RBFOX1: variants seen among roughly 807,000 people sequenced by gnomAD.
RBFOX1 encodes RNA binding fox-1 homolog 1.
In RBFOX1, 8 loss-of-function variants were observed where a neutral mutation model predicts 57.7. That is an observed-to-expected ratio of 0.14 (90% confidence interval 0.08 to 0.25). The LOEUF (loss-of-function observed/expected upper bound fraction) is 0.25, where lower values mean the gene tolerates loss of function less well. Ranked by LOEUF, RBFOX1 falls within the 10% of genes least tolerant of loss-of-function variation. The probability of loss-of-function intolerance (pLI) is 1.00; values close to 1 mark genes in which losing one functional copy is unlikely to be tolerated. For synonymous variants in RBFOX1, 326 were observed against 222.4 expected (o/e 1.47, Z -4.15); for missense variants, 611 against 548.5 (o/e 1.11, Z -1.14).
At chr16:6,509,061 T>C (rs43141) in intron 2 of RBFOX1, among the ~76,000 whole-genome samples, 65,335 of 152,022 alleles carry the variant, frequency 0.43, 15,419 homozygotes, top group East Asian at 0.57. Flanking sequence ...TTTTAAAATA[T>C]ACCACTGATC....
intron 1 of RBFOX1, among the ~76,000 whole-genome samples, chr16:6,163,540 A>T (rs546498448): frequency 6.6e-6 from 1 of 152,204 alleles, no homozygotes; most frequent in Admixed American, 6.5e-5. Context: ...CTGATTTTGG[A>T]TGTTAATTTG....
chr16:5,956,555 T>C (rs2059643052), intron 4 of RBFOX1, among the ~76,000 whole-genome samples: 1 of 150,512 alleles, frequency 6.6e-6, no homozygotes, highest in Non-Finnish European at 1.5e-5. Context: ...AAGTTAGATG[T>C]GGGGTGGAAA....
intron 4 of RBFOX1, among the ~76,000 whole-genome samples, chr16:7,119,940 C>G (rs181303173): frequency 6.6e-6 from 1 of 152,138 alleles, no homozygotes; most frequent in South Asian, 2.1e-4. Flanking sequence ...CCAAGATAAA[C>G]CATATTCTGT....
intron 3 of RBFOX1, among the ~76,000 whole-genome samples, chr16:5,693,718 C>T (rs2050764666): frequency 6.6e-6 from 1 of 152,150 alleles, no homozygotes; most frequent in Non-Finnish European, 1.5e-5. Context: ...ACAGTGACTT[C>T]CTCTTTCCCA....
At chr16:5,917,261 C>G (rs554829165) in intron 4 of RBFOX1, among the ~76,000 whole-genome samples, 8 of 152,110 alleles carry the variant, frequency 5.3e-5, no homozygotes, top group Non-Finnish European at 8.8e-5. Flanking sequence ...TTAAAACATG[C>G]CCATGGAAGC....
intron 2 of RBFOX1, among the ~76,000 whole-genome samples, chr16:5,494,565 T>A (rs2151679758): frequency 6.6e-6 from 1 of 152,114 alleles, no homozygotes; most frequent in South Asian, 2.1e-4. Context: ...AAGAGGGAGG[T>A]CTTGGCTGTT....
chr16:5,877,104 T>G lies in RBFOX1; in HGVS notation c.351+9769T>G, dbSNP rs1343387210. On this transcript the variant is annotated intron_variant, in intron 4 of 19. Coordinates refer to the RBFOX1 transcript ENST00000641259. Reference sequence around the variant, plus strand: ...GGCACTGTGCTCCCTCCTAACAGAATAAAAGAATTACTGATTATATCCAGG... The same window carrying G: ...GGCACTGTGCTCCCTCCTAACAGAAGAAAAGAATTACTGATTATATCCAGG... Among the ~76,000 whole-genome samples, 6 of 152,264 alleles carry G rather than the reference T, an allele frequency of 3.9e-5. No homozygotes were observed. In the East Asian group the frequency reaches 1.2e-3, roughly 29 times the overall value.
At chr16:7,032,615 A>G (rs1458078671) in intron 3 of RBFOX1, among the ~76,000 whole-genome samples, 3 of 152,054 alleles carry the variant, frequency 2.0e-5, no homozygotes, top group African/African-American at 4.8e-5. Context: ...TTGTTTTGCT[A>G]GACGAGTATT....
At chr16:5,837,324 C>A (rs1454921835) in intron 3 of RBFOX1, among the ~76,000 whole-genome samples, 1 of 151,992 alleles carries the variant, frequency 6.6e-6, no homozygotes, top group Admixed American at 6.6e-5. Flanking sequence ...CCCCAAGGGT[C>A]CTAGAATAAC....
rs751205442 is a variant in RBFOX1, at chr16:7,713,175, G to A, written c.*2430G>A. On this transcript the variant is annotated 3_prime_UTR_variant, in exon 16 of 16. Transcript: ENST00000550418. ...ATGAATTATGGAAAATTAATATTAT[G>A]TGTGGCATATAGTGACTTCTTAACA... 5 of 152,150 alleles carry A rather than the reference G, an allele frequency of 3.3e-5. No homozygotes were observed. The highest frequency in any genetic ancestry group is 7.2e-5 in the African/African-American group (3 of 41,418). 9.4% of individuals were successfully genotyped at this position (152,150 alleles called of 1,614,324 possible).
chr16:7,103,676 A>T (rs2063089007), intron 4 of RBFOX1, among the ~76,000 whole-genome samples: 1 of 152,210 alleles, frequency 6.6e-6, no homozygotes, highest in Non-Finnish European at 1.5e-5. Flanking sequence ...ACATAATAAA[A>T]ATGACTTAAA....
intron 4 of RBFOX1, among the ~76,000 whole-genome samples, chr16:7,331,160 A>G (rs1284750902): frequency 2.6e-5 from 4 of 152,208 alleles, no homozygotes; most frequent in Non-Finnish European, 5.9e-5. Flanking sequence ...AAATCAAGCA[A>G]CTAAAATTAG....
At chr16:5,957,023 C>T (rs950064558) in intron 4 of RBFOX1, among the ~76,000 whole-genome samples, 3 of 151,876 alleles carry the variant, frequency 2.0e-5, no homozygotes, top group African/African-American at 7.3e-5. Flanking sequence ...AGCTTGAAAT[C>T]AACAGAGTGG....
Position 6,019,872 on chromosome 16 carries a change from A to G in RBFOX1, c.-247A>G. On this transcript the variant is annotated 5_prime_UTR_variant, in exon 1 of 16. Coordinates refer to ENST00000550418, the MANE Select transcript of RBFOX1 (RefSeq NM_018723.4). The surrounding 1 kb of genome is among the most constrained non-coding windows in gnomAD (Gnocchi z 4.2). Reference sequence around the variant, plus strand: ...AGTTGCGGACAGTGCGTGAGAAACCAGCACCCCCTTCCGCCGCCTCCAGCT... The same window carrying G: ...AGTTGCGGACAGTGCGTGAGAAACCGGCACCCCCTTCCGCCGCCTCCAGCT... The G allele has an allele frequency of 6.5e-7, 1 of 1,534,276 alleles. No individual in the cohort carries two copies. The highest frequency in any genetic ancestry group is 2.5e-5 in the East Asian group (1 of 40,770).
At chr16:7,138,784 C>A (rs1391330244) in intron 4 of RBFOX1, among the ~76,000 whole-genome samples, 2 of 152,124 alleles carry the variant, frequency 1.3e-5, no homozygotes, top group African/African-American at 4.8e-5. Context: ...ATCCATTTCC[C>A]TTTGGAGAGC....
chr16:7,258,505 C>T (rs548290036), intron 4 of RBFOX1, among the ~76,000 whole-genome samples: 1 of 152,138 alleles, frequency 6.6e-6, no homozygotes, highest in South Asian at 2.1e-4. Flanking sequence ...CGAATTACTG[C>T]AAGTAGATTA....
chr16:6,409,525 T>C (rs1422935861), intron 2 of RBFOX1, among the ~76,000 whole-genome samples: 1 of 152,230 alleles, frequency 6.6e-6, no homozygotes, highest in Non-Finnish European at 1.5e-5. Context: ...TACATGAGTC[T>C]GTTCAATTGT....
intron 3 of RBFOX1, among the ~76,000 whole-genome samples, chr16:6,885,893 A>G (rs2063905023): frequency 6.6e-6 from 1 of 152,306 alleles, no homozygotes; most frequent in African/African-American, 2.4e-5. Context: ...TCAATGCAGC[A>G]TTGGAGAATG....
intron 3 of RBFOX1, among the ~76,000 whole-genome samples, chr16:6,900,319 A>G (rs1047150794): frequency 6.6e-6 from 1 of 152,340 alleles, no homozygotes; most frequent in Non-Finnish European, 1.5e-5. Flanking sequence ...CCAAGTTGCC[A>G]TCATCTCCCC....
Sources: allele counts gnomAD v4.1 joint callset (sites outside exome capture counted in the v4.1 genomes callset), GRCh38; gene constraint gnomAD v4.1.1; non-coding constraint Gnocchi (gnomAD v3.1); transcripts MANE v1.5; gene names NCBI Gene and HGNC (gene_info 2026-07-23, HGNC 2026-07-21).